The following VAT1L variants were observed in gnomAD, a reference collection of about 807,000 sequenced individuals.
VAT1L encodes putative NADPH-dependent quinone oxidoreductase VAT1L.
A neutral mutation model predicts 44.1 loss-of-function variants in VAT1L; 34 were observed. The ratio of observed to expected loss-of-function variants is 0.77; its 90% CI spans 0.59 to 1.03. The LOEUF is 1.03. VAT1L is among the 50% of genes least tolerant of loss of function. VAT1L has a pLI of 0.00. For synonymous variants in VAT1L, 253 were observed against 202.2 expected, an observed-to-expected ratio of 1.25 and a Z score of -2.13; for missense variants, 615 against 538.8, an observed-to-expected ratio of 1.14 and a Z score of -1.40.
intron 3 of VAT1L, among the ~76,000 whole-genome samples, chr16:77,832,319 C>T (rs1053065946): frequency 6.6e-6 from 1 of 152,130 alleles, no homozygotes; most frequent in Non-Finnish European, 1.5e-5. Context: ...GAGGATTCCA[C>T]GAAGGCAAAT....
chr16:77,965,636 C>A (rs569918160), intron 7 of VAT1L, among the ~76,000 whole-genome samples: 1 of 152,282 alleles, frequency 6.6e-6, no homozygotes, highest in East Asian at 1.9e-4. Flanking sequence ...GCCGTGGCAT[C>A]CCAGACTGGG....
intron 3 of VAT1L, among the ~76,000 whole-genome samples, chr16:77,846,452 G>T (rs1389902197): frequency 6.6e-6 from 1 of 152,112 alleles, no homozygotes; most frequent in Non-Finnish European, 1.5e-5. Context: ...TGAAAGACAG[G>T]ATGCCACCTT....
chr16:77,892,992 G>A lies in VAT1L; in HGVS notation c.1077+8190G>A, dbSNP rs2017284457. 1.4e-5 allele frequency: 9 copies of A among 660,034 alleles called. No individual in the cohort carries two copies. In the South Asian group the frequency reaches 1.5e-4, roughly 11 times the overall value. 40.9% of individuals were successfully genotyped at this position (660,034 alleles called of 1,614,324 possible). A position where few individuals can be genotyped will look rare whatever the true frequency, so the allele number is the denominator to read the frequency against. On this transcript the variant is annotated intron_variant, in intron 7 of 8. Transcript: ENST00000302536. ...CAGGAGGGTACCCTCCATCCCATTT[G>A]CTCGCAGTATCCTATCATCTTTGTG...
At chr16:77,894,064 C>T (rs1420880574) in intron 7 of VAT1L, among the ~76,000 whole-genome samples, 1 of 152,148 alleles carries the variant, frequency 6.6e-6, no homozygotes, top group Non-Finnish European at 1.5e-5. Flanking sequence ...CAATGCATGG[C>T]AAAACCAGCT....
chr16:77,886,100 GT>G (rs1462777475), intron 7 of VAT1L, among the ~76,000 whole-genome samples: 8 of 152,302 alleles, frequency 5.3e-5, no homozygotes, highest in African/African-American at 1.9e-4. Flanking sequence ...TAACATTTCG[GT>G]TTGCTTCCTT....
intron 7 of VAT1L, among the ~76,000 whole-genome samples, chr16:77,956,442 C>G (rs1017792769): frequency 1.3e-5 from 2 of 152,170 alleles, no homozygotes; most frequent in Admixed American, 6.5e-5. Flanking sequence ...ACATGAGGTG[C>G]TTTGCTCGGT....
At chr16:77,896,060 C>T (rs1239601342) in intron 7 of VAT1L, among the ~76,000 whole-genome samples, 1 of 152,172 alleles carries the variant, frequency 6.6e-6, no homozygotes, top group African/African-American at 2.4e-5. Flanking sequence ...GATGGGGAGG[C>T]TGACCTCGAA....
At chr16:77,890,775 T>A (rs1230678844) in intron 7 of VAT1L, among the ~76,000 whole-genome samples, 1 of 151,714 alleles carries the variant, frequency 6.6e-6, no homozygotes, top group African/African-American at 2.4e-5. Flanking sequence ...CTACAAAATA[T>A]TAGCCAGGCG....
chr16:77,913,515 AC>A (rs72268015), intron 7 of VAT1L, among the ~76,000 whole-genome samples: 23,015 of 150,282 alleles, frequency 0.15, 1,898 homozygotes, highest in Admixed American at 0.2. Flanking sequence ...TGATACAGAG[AC>A]CCCCCTCCCT....
chr16:77,906,605 G>C lies in VAT1L; in HGVS notation c.1077+21803G>C, dbSNP rs1251250639. 3.2e-4 allele frequency among the ~76,000 whole-genome samples: 48 copies of C among 152,234 alleles called. 2 individuals carry two copies. The highest frequency in any genetic ancestry group is 3.1e-3 in the Admixed American group (47 of 15,286). On this transcript the variant is annotated intron_variant, in intron 7 of 8. Transcript: ENST00000302536. The stretch of plus-strand genomic sequence containing the variant: ...TTATCAAAGGCAGCTACTGCTGTGA[G>C]TGACTGGTGTTTGATCCCAATCCCT...
intron 2 of VAT1L, among the ~76,000 whole-genome samples, chr16:77,819,194 C>A (rs1473379928): frequency 6.6e-6 from 1 of 152,076 alleles, no homozygotes; most frequent in African/African-American, 2.4e-5. Context: ...TGGCCATGAG[C>A]ACCACTGCCA....
Position 77,789,617 on chromosome 16 carries a change from A to C in VAT1L, c.233+702A>C, listed in dbSNP as rs564367508. ...GGAAGAGGGTCGGTACCTTGCACCC[A>C]GGCTTGGTGAGGGTGGAGACCAGGG... On this transcript the variant is annotated intron_variant, in intron 1 of 8. Transcript: ENST00000302536. Among the ~76,000 whole-genome samples the C allele has an allele frequency of 8.3e-4, 126 of 152,198 alleles. 1 individual carries two copies. Among genetic ancestry groups the C allele is most frequent in the Non-Finnish European group, 1.5e-3 (105 of 68,004 alleles).
chr16:77,821,857 T>C (rs889227971), intron 2 of VAT1L, among the ~76,000 whole-genome samples: 1 of 152,138 alleles, frequency 6.6e-6, no homozygotes. Context: ...AGGGAAAGTT[T>C]TGGAGAAAAG....
At chr16:77,919,847 G>C (rs1346565548) in intron 7 of VAT1L, among the ~76,000 whole-genome samples, 3 of 152,088 alleles carry the variant, frequency 2.0e-5, no homozygotes, top group African/African-American at 7.2e-5. Context: ...CAGCACTTTG[G>C]GAGGCCAAGG....
chr16:77,791,658 C>G (rs147667690), intron 1 of VAT1L, among the ~76,000 whole-genome samples: 10 of 152,218 alleles, frequency 6.6e-5, no homozygotes, highest in Non-Finnish European at 1.3e-4. Context: ...ATGTGATTCC[C>G]CTCTTAGCAT....
Position 77,879,751 on chromosome 16 carries a change from C to G in VAT1L, c.882+527C>G, listed in dbSNP as rs2017130012. 6.6e-6 allele frequency among the ~76,000 whole-genome samples: 1 copy of G among 152,184 alleles called. No homozygotes were observed. On this transcript the variant is annotated intron_variant, in intron 6 of 8. Transcript: ENST00000302536. This position sits in a 1 kb window ranked among gnomAD's most constrained non-coding sequence, Gnocchi z 4.1. ...GAGAGGTGGGAGTGTCAGAGAAACT[C>G]AAGAAAGCTACAGCTTTATTTCAGT... is the stretch of plus-strand genomic sequence containing the variant.
intron 4 of VAT1L, among the ~76,000 whole-genome samples, chr16:77,874,042 G>A (rs570152163): frequency 6.6e-6 from 1 of 152,266 alleles, no homozygotes; most frequent in East Asian, 1.9e-4. Context: ...AAGGAGATAT[G>A]ACTGGCAGTT....
intron 5 of VAT1L, 59 bp downstream of exon 5, chr16:77,876,532 T>TTTGCAG: frequency 6.8e-7 from 1 of 1,477,746 alleles, no homozygotes. Context: ...CATATGTGCC[T>TTTGCAG]GCAAAGGCTC....
intron 7 of VAT1L, among the ~76,000 whole-genome samples, chr16:77,914,910 G>A (rs2017536529): frequency 6.6e-6 from 1 of 152,214 alleles, no homozygotes; most frequent in African/African-American, 2.4e-5. Flanking sequence ...CGGATCACCT[G>A]AGGTCGGGAG....
Sources: allele counts gnomAD v4.1 joint callset (sites outside exome capture counted in the v4.1 genomes callset), GRCh38; gene constraint gnomAD v4.1.1; non-coding constraint Gnocchi (gnomAD v3.1); transcripts MANE v1.5; gene names NCBI Gene and HGNC (gene_info 2026-07-23, HGNC 2026-07-21).